Variants in BEX3 observed in about 807,000 individuals in gnomAD.
BEX3 encodes brain expressed X-linked 3, also known as protein BEX3.
A neutral mutation model predicts 6.1 loss-of-function variants in BEX3; 1 was observed. That is an observed-to-expected ratio of 0.16 (90% CI 0.06 to 0.78). The LOEUF (loss-of-function observed/expected upper bound fraction) is 0.78. Ranked by LOEUF, BEX3 falls within the 30% of genes least tolerant of loss-of-function variation. BEX3 has a pLI of 0.75. For missense variants in BEX3, 49 were observed against 84.7 expected (o/e 0.58, Z 1.65); for synonymous variants, 33 against 25.2 (o/e 1.31, Z -0.93).
Position 103,378,027 on chromosome X carries a change from C to A in BEX3, c.*200C>A. ...AGTTTCTGTCAGCAGTAGTTTCACC[C>A]ATTTGCATGGAAAAATTTAAAGCTA... On this transcript the variant is annotated 3_prime_UTR_variant, in exon 3 of 3. Transcript: ENST00000361298. 5.5e-6 allele frequency: 2 copies of A among 363,192 alleles called. No homozygotes were observed. The highest frequency in any genetic ancestry group is 1.0e-4 in the South Asian group (1 of 9,586). 29.9% of individuals were successfully genotyped at this position (363,192 alleles called of 1,213,427 possible).
chrX:103,377,204 G>A (rs1488322166), intron 2 of BEX3, 98 bp downstream of exon 2: 1 of 234,494 alleles, frequency 4.3e-6, no homozygotes, highest in Non-Finnish European at 7.5e-6. Context: ...CTCCTATACC[G>A]GTCCTCCATT....
rs1927229582 is a variant in BEX3, at chrX:103,376,617, A to AG, written c.-92+7dup. On this transcript the variant is annotated splice_donor_region_variant and intron_variant, in intron 1 of 2. Transcript: ENST00000361298. The stretch of plus-strand genomic sequence containing the variant: ...GGCCCGGGGAAAAGCGGAGCAGGTA[A>AG]GGGCTCCGGGGCCCGTGAGCCCCGG... 1.3e-6 allele frequency: 1 copy of AG among 744,086 alleles called. No homozygotes were observed. The highest frequency in any genetic ancestry group is 1.6e-6 in the Non-Finnish European group (1 of 631,591). 61.3% of individuals were successfully genotyped at this position (744,086 alleles called of 1,213,427 possible).
At chrX:103,376,858 G>C (rs778465952) in intron 1 of BEX3, 170 bp from the exon 2 acceptor site, 1 of 106,090 alleles carries the variant, frequency 9.4e-6, no homozygotes, top group Non-Finnish European at 1.9e-5. Context: ...ACCGCGGGGG[G>C]CTGGGCGTTC....
At position 103,377,815 on chromosome X, in the gene BEX3, C is replaced by T; in HGVS notation, c.294C>T (p.Cys98=). 1 of 1,186,824 alleles carries T rather than the reference C, an allele frequency of 8.4e-7. No individual in the cohort carries two copies. Among genetic ancestry groups the T allele is most frequent in the Non-Finnish European group, 1.1e-6 (1 of 878,759 alleles). ...ACCATGACCATCATGATGAATTTTG[C>T]CTTATGCCTTGACTCCTGCCATTTA... ...SNHHDHHDEF[C]LMP The change falls in exon 3 of 3, where the codon TGC becomes TGT. Residue 98 remains cysteine (C), a synonymous_variant. Coordinates refer to ENST00000361298, the MANE Select transcript of BEX3 (RefSeq NM_206917.3).
intron 1 of BEX3, 44 bp downstream of exon 1, chrX:103,376,657 G>T: frequency 3.0e-6 from 2 of 657,266 alleles, no homozygotes; most frequent in Non-Finnish European, 3.6e-6. Flanking sequence ...GCCAGCAGCG[G>T]CTGACCGACC....
In BEX3 at chrX:103,377,065, G is replaced by A; in HGVS notation, c.-54G>A. On this transcript the variant is annotated 5_prime_UTR_variant, in exon 2 of 3. Transcript: ENST00000361298. Reference sequence around the variant, plus strand: ...AAGTGTCTCCGCGGCGCACCTCGCGGCGAGAATCCGGAGGAGAAGGAGACT... The same window carrying A: ...AAGTGTCTCCGCGGCGCACCTCGCGACGAGAATCCGGAGGAGAAGGAGACT... The A allele has an allele frequency of 6.5e-6, 2 of 306,081 alleles. No homozygotes were observed. Among genetic ancestry groups the A allele is most frequent in the Non-Finnish European group, 8.8e-6 (2 of 226,820 alleles). 25.2% of individuals were successfully genotyped at this position (306,081 alleles called of 1,213,427 possible).
chrX:103,376,453 C>T, upstream of BEX3: 1 of 751,955 alleles, frequency 1.3e-6, no homozygotes, highest in Non-Finnish European at 1.6e-6. Context: ...ACTGGCCGCC[C>T]AAGTTGGGGG....
chrX:103,376,546 C>G lies in BEX3; in HGVS notation c.-159C>G. Reference sequence around the variant, plus strand: ...CCTTCGGTGCAGTCGTCACTCGCGTCTGGCTACCAGCTCCCCGCTGCCCTG... The same window carrying G: ...CCTTCGGTGCAGTCGTCACTCGCGTGTGGCTACCAGCTCCCCGCTGCCCTG... On this transcript the variant is annotated 5_prime_UTR_variant, in exon 1 of 3. Transcript: ENST00000361298. The G allele has an allele frequency of 8.0e-6, 6 of 754,168 alleles. No homozygotes were observed. The highest frequency in any genetic ancestry group is 9.4e-6 in the Non-Finnish European group (6 of 639,151). 62.2% of individuals were successfully genotyped at this position (754,168 alleles called of 1,213,427 possible). A position where few individuals can be genotyped will look rare whatever the true frequency, so the allele number is the denominator to read the frequency against.
intron 1 of BEX3, 185 bp downstream of exon 1, chrX:103,376,798 C>T (rs1053567999): frequency 5.0e-5 from 6 of 118,905 alleles, no homozygotes; most frequent in Non-Finnish European, 9.7e-5. Flanking sequence ...GGCAGAGCCA[C>T]CAAGAGCGAT....
chrX:103,376,762 GCAGGGGCGGCTGGGTTTC>G, intron 1 of BEX3, 149 bp downstream of exon 1: 1 of 167,877 alleles, frequency 6.0e-6, no homozygotes, highest in Non-Finnish European at 9.7e-6. Flanking sequence ...GGATGGGGAA[GCAGGGGCGGCTGGGTTTC>G]CAGGGGCGGC....
intron 2 of BEX3, 79 bp downstream of exon 2, chrX:103,377,185 C>A (rs1927257159): frequency 7.6e-6 from 2 of 263,826 alleles, no homozygotes; most frequent in Non-Finnish European, 1.3e-5. Flanking sequence ...CCCTCCACCC[C>A]ATCCCCCACT....
At position 103,377,471 on chromosome X, in the gene BEX3, C is replaced by T. The variant is rs759461668; in HGVS notation, c.-12-39C>T. 3 of 1,183,243 alleles carry T rather than the reference C, an allele frequency of 2.5e-6. No homozygotes were observed. The South Asian group carries it at 5.7e-5, about 23-fold the overall frequency. ...CTTACTTGTGTTCAAAGAAAAACAA[C>T]CAGAAAAAAAAAATCTCATCATGGC... On this transcript the variant is annotated intron_variant, in intron 2 of 2. Coordinates refer to ENST00000361298, the MANE Select transcript of BEX3 (RefSeq NM_206917.3).
rs970570403 is a variant in BEX3 at position 103,377,125 on chromosome X, G to C, written c.-13+19G>C. The C allele has an allele frequency of 2.2e-5, 7 of 316,889 alleles. No individual in the cohort carries two copies. Among genetic ancestry groups the C allele is most frequent in the Non-Finnish European group, 3.2e-5 (7 of 219,837 alleles). The allele number at this position is 316,889 out of a possible 1,213,427, so 26.1% of individuals were successfully genotyped here. A position where few individuals can be genotyped will look rare whatever the true frequency, so the allele number is the denominator to read the frequency against. On this transcript the variant is annotated intron_variant, in intron 2 of 2. Transcript: ENST00000361298. The stretch of plus-strand genomic sequence containing the variant: ...GGCCCAGGTCGGTGCGAGGGACGGT[G>C]GTGGGGCGGGGGTCGGAACGTAAGG...
intron 2 of BEX3, 184 bp from the exon 3 acceptor site, chrX:103,377,326 G>T (rs1046202665): frequency 3.7e-6 from 2 of 539,558 alleles, no homozygotes; most frequent in African/African-American, 2.4e-5. Flanking sequence ...TGGAGGCCCC[G>T]TAGAGGACGC....
intron 1 of BEX3, 74 bp downstream of exon 1, chrX:103,376,687 A>C: frequency 2.1e-6 from 1 of 469,042 alleles, no homozygotes. Flanking sequence ...GGCGCAGAAC[A>C]GCGCAGGGGG....
At chrX:103,376,418 G>A (rs369974181), upstream of BEX3, 1 of 739,062 alleles carries the variant, frequency 1.4e-6, no homozygotes, top group Admixed American at 8.9e-5. Flanking sequence ...GGTGGCGGGT[G>A]GGGGGAAGGG....
At position 103,378,080 on chromosome X, in the gene BEX3, CATTT is replaced by C. The variant is rs1209538402; in HGVS notation, c.*257_*260del. On this transcript the variant is annotated 3_prime_UTR_variant, in exon 3 of 3. Transcript: ENST00000361298. ...AAAGCAATTTAAAAAGCAATCTATA[CATTT>C]ATTGTCTCATTAAAAATGTATACTT... The C allele has an allele frequency of 3.1e-6, 1 of 326,757 alleles. No homozygotes were observed. Among genetic ancestry groups the C allele is most frequent in the Non-Finnish European group, 5.5e-6 (1 of 183,475 alleles). 26.9% of individuals were successfully genotyped at this position (326,757 alleles called of 1,213,427 possible).
Position 103,377,836 on chromosome X carries a change from A to G in BEX3, c.*9A>G. ...TTTGCCTTATGCCTTGACTCCTGCC[A>G]TTTATCATGAGATTAATACTGTGAT... On this transcript the variant is annotated 3_prime_UTR_variant, in exon 3 of 3. Transcript: ENST00000361298. The G allele has an allele frequency of 8.9e-7, 1 of 1,129,926 alleles. No individual in the cohort carries two copies. Among genetic ancestry groups the G allele is most frequent in the Non-Finnish European group, 1.2e-6 (1 of 831,494 alleles). 93.1% of individuals were successfully genotyped at this position (1,129,926 alleles called of 1,213,427 possible).
At chrX:103,377,242 A>C in intron 2 of BEX3, 136 bp downstream of exon 2, 3 of 377,407 alleles carry the variant, frequency 7.9e-6, no homozygotes, top group Non-Finnish European at 1.3e-5. Flanking sequence ...CTGGGAAAGA[A>C]TCCCGGGAAA....
Sources: allele counts gnomAD v4.1 joint callset, GRCh38; gene constraint gnomAD v4.1.1; transcripts MANE v1.5; gene names NCBI Gene and HGNC (gene_info 2026-07-23, HGNC 2026-07-21).